The following RNF38 variants were observed in gnomAD, a reference collection of about 807,000 sequenced individuals.
RNF38 encodes E3 ubiquitin-protein ligase RNF38.
RNF38 carries 15 observed loss-of-function variants against 67.2 expected under a neutral mutation model. That is an observed-to-expected ratio of 0.22 (90% CI 0.15 to 0.34). The LOEUF is 0.34. RNF38 is among the 10% of genes least tolerant of loss of function. The pLI, the probability that RNF38 is intolerant of heterozygous loss-of-function variation, is 1.00. For missense variants in RNF38, 524 were observed against 639.9 expected (o/e 0.82, Z 1.95); for synonymous variants, 220 against 218.8 (o/e 1.01, Z -0.05).
chr9:36,384,903 G>A (rs1401827911), intron 2 of RNF38, among the ~76,000 whole-genome samples: 3 of 152,222 alleles, frequency 2.0e-5, no homozygotes, highest in African/African-American at 7.2e-5. Flanking sequence ...ACAGTGCAGT[G>A]GTGGTTCAAG....
intron 1 of RNF38, among the ~76,000 whole-genome samples, chr9:36,467,648 C>T (rs961254656): frequency 3.3e-5 from 5 of 152,158 alleles, no homozygotes; most frequent in Non-Finnish European, 2.9e-5. Flanking sequence ...ATAAAACCCA[C>T]TATAGCTTTT....
chr9:36,397,071 A>G (rs1415183317), intron 1 of RNF38, among the ~76,000 whole-genome samples: 43 of 140,156 alleles, frequency 3.1e-4, no homozygotes, highest in Admixed American at 9.7e-4. Flanking sequence ...ACGTATATAT[A>G]TGTGTGTGTG....
In RNF38 at chr9:36,487,249, C is replaced by T. The variant is rs995621246; in HGVS notation, n.241+59G>A. The T allele has an allele frequency of 6.4e-5, 62 of 963,056 alleles. 1 individual carries two copies. The highest frequency in any genetic ancestry group is 7.4e-5 in the Non-Finnish European group (60 of 809,780). The allele number at this position is 963,056 out of a possible 1,614,324, so 59.7% of individuals were successfully genotyped here. ...GGCGCCTGGACCACACGCCTCCGGC[C>T]CCCACCCGCGGGACCGACCCACGCC... is the stretch of plus-strand genomic sequence containing the variant. On this transcript the variant is annotated intron_variant and non_coding_transcript_variant, in intron 1 of 3. Transcript: ENST00000488058.
intron 1 of RNF38, among the ~76,000 whole-genome samples, chr9:36,477,585 G>A (rs1840149754): frequency 1.3e-5 from 2 of 151,910 alleles, no homozygotes; most frequent in Non-Finnish European, 2.9e-5. Context: ...ACTTTGGGAG[G>A]CTGAGGCAGG....
intron 3 of RNF38, among the ~76,000 whole-genome samples, chr9:36,373,816 C>A (rs1158577239): frequency 6.6e-6 from 1 of 151,260 alleles, no homozygotes; most frequent in Non-Finnish European, 1.5e-5. Context: ...GATGGAGTTT[C>A]GCTTTTGTTG....
intron 1 of RNF38, among the ~76,000 whole-genome samples, chr9:36,453,953 G>A (rs1227562395): frequency 6.6e-6 from 1 of 152,122 alleles, no homozygotes; most frequent in African/African-American, 2.4e-5. Context: ...GTAGGGATGA[G>A]GGGAGAAGGT....
At chr9:36,430,629 A>C (rs996430042) in intron 1 of RNF38, among the ~76,000 whole-genome samples, 1 of 152,138 alleles carries the variant, frequency 6.6e-6, no homozygotes, top group South Asian at 2.1e-4. Flanking sequence ...CAAGAAGGAA[A>C]TGTCTGATTT....
At chr9:36,450,502 T>G (rs183512453) in intron 1 of RNF38, among the ~76,000 whole-genome samples, 1,614 of 152,202 alleles carry the variant, frequency 0.011, 13 homozygotes, top group Non-Finnish European at 0.017. Flanking sequence ...ATAACTAAAC[T>G]CATGCAAACT....
chr9:36,340,421 T>TG (rs1470708252), intron 11 of RNF38, among the ~76,000 whole-genome samples: 1 of 152,238 alleles, frequency 6.6e-6, no homozygotes, highest in Non-Finnish European at 1.5e-5. Flanking sequence ...GGTTAAACCC[T>TG]GTTGCCCACA....
At chr9:36,452,058 A>C (rs1279241100) in intron 1 of RNF38, among the ~76,000 whole-genome samples, 1 of 151,982 alleles carries the variant, frequency 6.6e-6, no homozygotes, top group Non-Finnish European at 1.5e-5. Context: ...CTCTACTAAA[A>C]ATTTTTTTAA....
At chr9:36,355,071 C>T (rs971132348) in intron 6 of RNF38, among the ~76,000 whole-genome samples, 11 of 152,186 alleles carry the variant, frequency 7.2e-5, no homozygotes, top group African/African-American at 2.7e-4. Context: ...AAATCCTATC[C>T]TATTTCCAAG....
chr9:36,351,193 C>A lies in RNF38; in HGVS notation c.1185G>T (p.Met395Ile). ...GGCCCACTGCAGGTGGCACTGGAAG[C>A]ATTGATCTGCAGTGAAAACAATCAC... ...HPSLLPYVLS[M>I]LPVPPAVGPT... The change falls in exon 9 of 12, where the codon ATG (methionine) becomes ATT (isoleucine). Residue 395 changes from methionine to isoleucine, a missense_variant. Met to Ile is a conservative substitution (Grantham distance 10, BLOSUM62 1). This residue lies in a region of RNF38 where 461 missense variants were observed against 517.4 expected (regional missense o/e 0.89). Transcript: ENST00000259605. The A allele has an allele frequency of 1.2e-6, 2 of 1,609,568 alleles. No homozygotes were observed. The highest frequency in any genetic ancestry group is 1.7e-6 in the Non-Finnish European group (2 of 1,176,796).
At chr9:36,486,973 C>G (rs1443643494) in intron 1 of RNF38, among the ~76,000 whole-genome samples, 1 of 151,996 alleles carries the variant, frequency 6.6e-6, no homozygotes, top group Non-Finnish European at 1.5e-5. Context: ...GGCCCTGGGT[C>G]CCAGCCAAGC....
In RNF38 at chr9:36,383,422, C is replaced by G. The variant is rs186063017; in HGVS notation, c.162+7045G>C. On this transcript the variant is annotated intron_variant, in intron 2 of 11. Transcript: ENST00000259605. ...GGCCAAGACAGTCTTTATTTCTTGACCTCATGATCCGCCCACTTCAGCCTC... is the reference window on the plus strand; with the variant it reads ...GGCCAAGACAGTCTTTATTTCTTGAGCTCATGATCCGCCCACTTCAGCCTC... 2.6e-5 allele frequency among the ~76,000 whole-genome samples: 4 copies of G among 152,240 alleles called. No homozygotes were observed. In the East Asian group the frequency reaches 7.7e-4, roughly 29 times the overall value.
intron 1 of RNF38, among the ~76,000 whole-genome samples, chr9:36,454,928 G>A (rs2134350884): frequency 6.6e-6 from 1 of 152,232 alleles, no homozygotes; most frequent in South Asian, 2.1e-4. Context: ...ATATATTTAT[G>A]CTAGTTAACA....
At chr9:36,351,334 G>C in intron 8 of RNF38, 135 bp from the exon 9 acceptor site, 2 of 588,174 alleles carry the variant, frequency 3.4e-6, no homozygotes, top group East Asian at 3.1e-5. Context: ...CAAAACATAT[G>C]CAAGAACTGT....
intron 1 of RNF38, among the ~76,000 whole-genome samples, chr9:36,473,138 A>T (rs1238271925): frequency 2.0e-5 from 3 of 151,884 alleles, no homozygotes; most frequent in African/African-American, 7.3e-5. Context: ...ATCTCCAAAA[A>T]ATAAATAAAC....
At chr9:36,377,985 AAGTT>A (rs1218918886) in intron 2 of RNF38, among the ~76,000 whole-genome samples, 2 of 146,938 alleles carry the variant, frequency 1.4e-5, no homozygotes, top group East Asian at 3.8e-4. Context: ...TTTAGTGAGA[AAGTT>A]AGTTATGTTC....
chr9:36,482,770 C>T (rs1284483915), intron 1 of RNF38, among the ~76,000 whole-genome samples: 1 of 152,198 alleles, frequency 6.6e-6, no homozygotes, highest in Non-Finnish European at 1.5e-5. Context: ...AAAGCCCCTT[C>T]CCATGAAAAG....
Sources: gnomAD v4.1 joint callset for allele counts (sites outside exome capture counted in the v4.1 genomes callset) on GRCh38, gnomAD v4.1.1 for gene constraint, gnomAD v4.1.1 regional missense constraint, MANE v1.5 for transcripts, NCBI Gene and HGNC (gene_info 2026-07-23, HGNC 2026-07-21) for gene names.